Variants in ARHGAP18 observed in about 807,000 individuals in gnomAD.
ARHGAP18 encodes rho GTPase-activating protein 18.
In ARHGAP18, 67 loss-of-function variants were observed where a neutral mutation model predicts 86.2. The observed-to-expected ratio is 0.78, with a 90% confidence interval of 0.64 to 0.95. ARHGAP18 has a LOEUF of 0.95. Ranked by LOEUF, ARHGAP18 falls within the 40% of genes least tolerant of loss-of-function variation. The pLI, the probability that ARHGAP18 is intolerant of heterozygous loss-of-function variation, is 0.00. For synonymous variants in ARHGAP18, 283 were observed against 280.4 expected (o/e 1.01, Z -0.09); for missense variants, 691 against 780.4 (o/e 0.89, Z 1.37).
chr6:129,601,877 C>A (rs1788753949), intron 10 of ARHGAP18, among the ~76,000 whole-genome samples: 1 of 151,814 alleles, frequency 6.6e-6, no homozygotes, highest in African/African-American at 2.4e-5. Flanking sequence ...ACACTTCCAC[C>A]TCATCCTTCC....
intron 1 of ARHGAP18, among the ~76,000 whole-genome samples, chr6:129,676,948 T>A (rs3062457): frequency 0.35 from 37,563 of 106,734 alleles, 7,081 homozygotes; most frequent in Middle Eastern, 0.49. Context: ...TTTTTTTTTT[T>A]AAGGAAGGAA....
At chr6:129,624,608 ACTCTTT>A (rs1230653824) in intron 5 of ARHGAP18, among the ~76,000 whole-genome samples, 1 of 151,274 alleles carries the variant, frequency 6.6e-6, no homozygotes. Context: ...ACACTTGCAT[ACTCTTT>A]TACTTTTCCC....
Position 129,635,246 on chromosome 6 carries a change from A to G in ARHGAP18, c.553-1141T>C, listed in dbSNP as rs190096806. On this transcript the variant is annotated intron_variant, in intron 3 of 14. Transcript: ENST00000368149. Reference sequence around the variant, plus strand: ...AGTGGCCATTGTAGTCTCACCACACATTTCACCTCAAGCTGTTGTCCACGA... The same window carrying G: ...AGTGGCCATTGTAGTCTCACCACACGTTTCACCTCAAGCTGTTGTCCACGA... Among the ~76,000 whole-genome samples the G allele has an allele frequency of 2.7e-3, 405 of 152,244 alleles. 3 individuals carry two copies. Among genetic ancestry groups the G allele is most frequent in the African/African-American group, 9.2e-3 (382 of 41,528 alleles).
At chr6:129,693,803 C>A (rs553094839) in intron 1 of ARHGAP18, among the ~76,000 whole-genome samples, 111 of 152,254 alleles carry the variant, frequency 7.3e-4, no homozygotes, top group African/African-American at 2.6e-3. Flanking sequence ...TAATTCTCAT[C>A]TTATGAGGAT....
At position 129,578,506 on chromosome 6, in the gene ARHGAP18, A is replaced by G; in HGVS notation, c.*7T>C. ...TCCACATGGTTATCTGCAGCTTGTT[A>G]AGTCTTCTACAATGGCTTTGACTTT... On this transcript the variant is annotated 3_prime_UTR_variant, in exon 15 of 15. Transcript: ENST00000368149. The G allele has an allele frequency of 6.2e-7, 1 of 1,606,952 alleles. No homozygotes were observed. The highest frequency in any genetic ancestry group is 1.3e-5 in the African/African-American group (1 of 74,848).
chr6:129,679,349 T>C (rs1774286602), intron 1 of ARHGAP18, among the ~76,000 whole-genome samples: 1 of 152,248 alleles, frequency 6.6e-6, no homozygotes, highest in African/African-American at 2.4e-5. Context: ...ACTTGATATT[T>C]TTCCCTGGCA....
chr6:129,638,268 T>A, intron 3 of ARHGAP18, 126 bp downstream of exon 3: 1 of 934,366 alleles, frequency 1.1e-6, no homozygotes, highest in South Asian at 1.5e-5. Flanking sequence ...CCTGCAAGCA[T>A]AGAGCTTTGG....
chr6:129,705,536 T>G (rs944162783), intron 1 of ARHGAP18, among the ~76,000 whole-genome samples: 1 of 152,224 alleles, frequency 6.6e-6, no homozygotes, highest in Non-Finnish European at 1.5e-5. Context: ...TCTTTCAAAC[T>G]TCAAAGGCCT....
At chr6:129,602,073 G>A (rs1788758675) in intron 10 of ARHGAP18, among the ~76,000 whole-genome samples, 1 of 152,138 alleles carries the variant, frequency 6.6e-6, no homozygotes, top group Admixed American at 6.6e-5. Context: ...AAATGCAGCT[G>A]AGGTCACCCT....
intron 10 of ARHGAP18, 45 bp downstream of exon 10, chr6:129,605,832 G>A: frequency 6.6e-7 from 1 of 1,512,774 alleles, no homozygotes; most frequent in Non-Finnish European, 9.2e-7. Flanking sequence ...AAAAATTACT[G>A]TGCTTACTTC....
Position 129,618,679 on chromosome 6 carries a change from A to C in ARHGAP18, c.952+8T>G. On this transcript the variant is annotated splice_region_variant and intron_variant, in intron 6 of 14. Transcript: ENST00000368149. ...AATAAATCCAAGGGTTTATCATTTC[A>C]TGATTACCTTTTGTTTTGATTTTCA... The C allele has an allele frequency of 6.3e-7, 1 of 1,597,348 alleles. No individual in the cohort carries two copies. The highest frequency in any genetic ancestry group is 8.5e-7 in the Non-Finnish European group (1 of 1,170,842).
chr6:129,690,704 G>A (rs368442643), intron 1 of ARHGAP18, among the ~76,000 whole-genome samples: 10 of 151,872 alleles, frequency 6.6e-5, no homozygotes, highest in East Asian at 5.8e-4. Context: ...ATTCCTCCCC[G>A]TGAAAAGAAA....
intron 1 of ARHGAP18, among the ~76,000 whole-genome samples, chr6:129,655,447 T>C (rs1174353979): frequency 6.6e-6 from 1 of 151,870 alleles, no homozygotes; most frequent in African/African-American, 2.4e-5. Context: ...CAGAAGTCAG[T>C]ATTTATGCTG....
At chr6:129,596,764 G>T (rs1292278508) in intron 12 of ARHGAP18, 1 of 152,122 alleles carries the variant, frequency 6.6e-6, no homozygotes, top group East Asian at 1.9e-4. Flanking sequence ...CAACCAGACA[G>T]AATGAAGGAG....
Position 129,611,585 on chromosome 6 carries a change from CCT to C in ARHGAP18, c.1068_1069del (p.Gly357PhefsTer15). The C allele has an allele frequency of 6.2e-7, 1 of 1,613,712 alleles. No homozygotes were observed. The highest frequency in any genetic ancestry group is 8.5e-7 in the Non-Finnish European group (1 of 1,179,794). On this transcript the variant is annotated frameshift_variant, in exon 8 of 15. Transcript: ENST00000368149. LOFTEE classifies it high-confidence loss of function. ...CCGTAAGAGGCCTTCTGTTTCCAAA[CCT>C]CTCTCTTCAATTCGAGAAATCAGCT...
intron 1 of ARHGAP18, among the ~76,000 whole-genome samples, chr6:129,652,609 T>A (rs1041973358): frequency 6.6e-6 from 1 of 152,218 alleles, no homozygotes; most frequent in African/African-American, 2.4e-5. Context: ...ACCTTAAACA[T>A]GCAATACAGA....
At chr6:129,657,565 G>A (rs1773865770) in intron 1 of ARHGAP18, among the ~76,000 whole-genome samples, 1 of 152,126 alleles carries the variant, frequency 6.6e-6, no homozygotes, top group Non-Finnish European at 1.5e-5. Context: ...ACAAGGATGA[G>A]TATTCAAACA....
At chr6:129,627,445 C>T (rs960727425) in intron 5 of ARHGAP18, among the ~76,000 whole-genome samples, 16 of 151,816 alleles carry the variant, frequency 1.1e-4, no homozygotes, top group Non-Finnish European at 1.9e-4. Context: ...ACATATCTGA[C>T]GTAGTCTTGA....
chr6:129,626,979 A>G (rs1192553096), intron 5 of ARHGAP18, among the ~76,000 whole-genome samples: 5 of 152,158 alleles, frequency 3.3e-5, no homozygotes, highest in Admixed American at 2.6e-4. Flanking sequence ...TCATAGTCAC[A>G]AAAGTCTATT....
Sources: gnomAD v4.1 joint callset for allele counts (sites outside exome capture counted in the v4.1 genomes callset) on GRCh38, gnomAD v4.1.1 for gene constraint, MANE v1.5 for transcripts, NCBI Gene and HGNC (gene_info 2026-07-23, HGNC 2026-07-21) for gene names.